C1GALT1: variants seen among roughly 807,000 people sequenced by gnomAD.
The protein encoded by C1GALT1 is core 1 synthase, glycoprotein-N-acetylgalactosamine 3-beta-galactosyltransferase 1, also known as glycoprotein-N-acetylgalactosamine 3-beta-galactosyltransferase 1.
Under a neutral mutation model 31.0 loss-of-function variants are expected in C1GALT1, and 11 were observed. That is an observed-to-expected ratio of 0.36 (90% CI 0.22 to 0.59). The LOEUF (loss-of-function observed/expected upper bound fraction) is 0.59. Ranked by LOEUF, C1GALT1 falls within the 20% of genes least tolerant of loss-of-function variation. The pLI, the probability that C1GALT1 is intolerant of heterozygous loss-of-function variation, is 0.79. For synonymous variants in C1GALT1, 175 were observed against 143.6 expected, an observed-to-expected ratio of 1.22 and a Z score of -1.56; for missense variants, 424 against 425.2, an observed-to-expected ratio of 1.00 and a Z score of 0.03.
intron 1 of C1GALT1, among the ~76,000 whole-genome samples, chr7:7,209,236 A>G (rs1350170349): frequency 1.3e-5 from 2 of 152,194 alleles, no homozygotes; most frequent in African/African-American, 4.8e-5. Context: ...ACCTTCCATT[A>G]TAAGTCGCAT....
intron 1 of C1GALT1, among the ~76,000 whole-genome samples, chr7:7,201,194 C>A (rs1341808675): frequency 6.6e-6 from 1 of 152,148 alleles, no homozygotes; most frequent in African/African-American, 2.4e-5. Flanking sequence ...GTGTGGATGT[C>A]CTTTCTGTTT....
intron 2 of C1GALT1, among the ~76,000 whole-genome samples, chr7:7,175,775 C>T (rs61048998): frequency 0.12 from 18,809 of 151,954 alleles, 1,378 homozygotes; most frequent in African/African-American, 0.2. Context: ...GTCCAAGATC[C>T]ACATTCTGGC....
chr7:7,210,415 C>CTTTTTTTTTTT (rs562711064), intron 1 of C1GALT1: 17 of 85,154 alleles, frequency 2.0e-4, no homozygotes, highest in East Asian at 7.7e-4. Flanking sequence ...TGGGCAGATT[C>CTTTTTTTTTTT]TTTTTTTTTT....
chr7:7,219,879 C>T (rs1241864286), intron 1 of C1GALT1, among the ~76,000 whole-genome samples: 1 of 151,964 alleles, frequency 6.6e-6, no homozygotes, highest in Non-Finnish European at 1.5e-5. Context: ...CACTTATGTT[C>T]TAATATGTTT....
chr7:7,183,516 T>G (rs1158780382), intron 1 of C1GALT1: 5 of 949,218 alleles, frequency 5.3e-6, no homozygotes, highest in Non-Finnish European at 6.3e-6. Flanking sequence ...TTTTTTTTGC[T>G]TCTGCACCCC....
At chr7:7,180,290 C>G (rs562539828), upstream of C1GALT1, among the ~76,000 whole-genome samples, 1 of 152,102 alleles carries the variant, frequency 6.6e-6, no homozygotes, top group South Asian at 2.1e-4. Context: ...TTGAAAATGT[C>G]GAAGAATTGG....
intron 1 of C1GALT1, among the ~76,000 whole-genome samples, chr7:7,216,314 T>C (rs1376425382): frequency 6.6e-6 from 1 of 152,216 alleles, no homozygotes; most frequent in East Asian, 1.9e-4. Flanking sequence ...TCCCAGTTTC[T>C]GGATTCCGGC....
chr7:7,243,003 T>C (rs1783699076), intron 3 of C1GALT1, among the ~76,000 whole-genome samples: 1 of 152,144 alleles, frequency 6.6e-6, no homozygotes, highest in African/African-American at 2.4e-5. Flanking sequence ...AACCCAAGTC[T>C]AGGTTGAGAG....
intron 1 of C1GALT1, among the ~76,000 whole-genome samples, chr7:7,205,606 G>T (rs1345762090): frequency 6.6e-6 from 1 of 151,848 alleles, no homozygotes; most frequent in African/African-American, 2.4e-5. Context: ...GTTGTTCAAG[G>T]GTCAACTATA....
intron 3 of C1GALT1, 107 bp downstream of exon 3, chr7:7,239,029 C>A: frequency 1.1e-6 from 1 of 876,066 alleles, no homozygotes; most frequent in Non-Finnish European, 1.7e-6. Flanking sequence ...AACAAGGACT[C>A]TTCCTTAGTC....
intron 1 of C1GALT1, among the ~76,000 whole-genome samples, chr7:7,227,419 G>C (rs1782815559): frequency 6.6e-6 from 1 of 152,138 alleles, no homozygotes; most frequent in African/African-American, 2.4e-5. Flanking sequence ...GAACTGTTTT[G>C]GCTTTATAAA....
chr7:7,183,837 C>T (rs937820083), intron 1 of C1GALT1, among the ~76,000 whole-genome samples: 2 of 152,074 alleles, frequency 1.3e-5, no homozygotes, highest in African/African-American at 4.8e-5. Flanking sequence ...TTGTGCTAAC[C>T]ATGGATTGAT....
intron 1 of C1GALT1, among the ~76,000 whole-genome samples, chr7:7,223,581 T>C (rs1782611062): frequency 6.6e-6 from 1 of 152,214 alleles, no homozygotes; most frequent in Non-Finnish European, 1.5e-5. Flanking sequence ...TGTTTGTTTT[T>C]TATTATTTTG....
At chr7:7,192,160 A>G (rs11770362) in intron 1 of C1GALT1, among the ~76,000 whole-genome samples, 23,784 of 151,408 alleles carry the variant, frequency 0.16, 2,166 homozygotes, top group East Asian at 0.37. Context: ...TTTTATTTCA[A>G]TAGGCTTTTG....
chr7:7,195,880 G>A (rs1292274783), intron 1 of C1GALT1, among the ~76,000 whole-genome samples: 3 of 152,070 alleles, frequency 2.0e-5, no homozygotes, highest in Non-Finnish European at 4.4e-5. Context: ...ATTTAGGATT[G>A]TGATATTTTC....
chr7:7,196,708 C>T (rs1781303192), intron 1 of C1GALT1, among the ~76,000 whole-genome samples: 1 of 152,202 alleles, frequency 6.6e-6, no homozygotes, highest in South Asian at 2.1e-4. Flanking sequence ...TGTTTCTCCA[C>T]ATCCTCTCCA....
At chr7:7,188,696 T>C (rs1002386923) in intron 1 of C1GALT1, among the ~76,000 whole-genome samples, 9 of 152,152 alleles carry the variant, frequency 5.9e-5, no homozygotes, top group East Asian at 1.9e-4. Context: ...TTTTAAAATA[T>C]ATACAGAAAC....
intron 2 of C1GALT1, among the ~76,000 whole-genome samples, chr7:7,177,243 C>T (rs547505249): frequency 1.3e-5 from 2 of 152,274 alleles, no homozygotes; most frequent in African/African-American, 4.8e-5. Context: ...ATATTTACCT[C>T]TCAGGTTAGT....
At chr7:7,214,750 G>A (rs74448539) in intron 1 of C1GALT1, among the ~76,000 whole-genome samples, 2,648 of 152,258 alleles carry the variant, frequency 0.017, 48 homozygotes, top group Non-Finnish European at 0.023. Flanking sequence ...GGGGTAGGCC[G>A]AACAAACTTT....
Sources: gnomAD v4.1 joint callset for allele counts (sites outside exome capture counted in the v4.1 genomes callset) on GRCh38, gnomAD v4.1.1 for gene constraint, MANE v1.5 for transcripts, NCBI Gene and HGNC (gene_info 2026-07-23, HGNC 2026-07-21) for gene names.